TEKT5: variants seen among roughly 807,000 people sequenced by gnomAD.
TEKT5 encodes the protein tektin 5, also known as tektin-5.
TEKT5 carries 52 observed loss-of-function variants against 48.7 expected under a neutral mutation model. The ratio of observed to expected loss-of-function variants is 1.07; its 90% CI spans 0.86 to 1.35. TEKT5 has a LOEUF of 1.35. Among genes scored for constraint, TEKT5 ranks in the 40% most tolerant of loss-of-function variants. The pLI is 0.00. For synonymous variants in TEKT5, 318 were observed against 267.6 expected, an observed-to-expected ratio of 1.19 and a Z score of -1.84; for missense variants, 831 against 641.6, an observed-to-expected ratio of 1.30 and a Z score of -3.19.
intron 3 of TEKT5, among the ~76,000 whole-genome samples, chr16:10,682,825 G>C (rs924077206): frequency 6.6e-6 from 1 of 152,170 alleles, no homozygotes; most frequent in South Asian, 2.1e-4. Flanking sequence ...GGCCAGATTT[G>C]TCCCTCCAGC....
At chr16:10,647,331 GC>G (rs1898085777) in intron 5 of TEKT5, among the ~76,000 whole-genome samples, 1 of 151,928 alleles carries the variant, frequency 6.6e-6, no homozygotes, top group Admixed American at 6.6e-5. Context: ...AATAAGCCGG[GC>G]GTGGTGGTGC....
intron 6 of TEKT5, 51 bp from the exon 7 acceptor site, chr16:10,627,850 G>A (rs1411568885): frequency 1.3e-6 from 2 of 1,545,086 alleles, no homozygotes; most frequent in Non-Finnish European, 1.8e-6. Flanking sequence ...ATTTTTATTT[G>A]TTTATTTTTT....
intron 5 of TEKT5, among the ~76,000 whole-genome samples, chr16:10,657,756 A>AT (rs59166602): frequency 0.034 from 4,595 of 134,912 alleles, 124 homozygotes; most frequent in African/African-American, 0.066. Context: ...CGCCAAGCTA[A>AT]TTTTTTTTTT....
At chr16:10,675,872 C>A (rs1596414968) in intron 5 of TEKT5, 87 bp downstream of exon 5, 2 of 1,379,452 alleles carry the variant, frequency 1.4e-6, no homozygotes, top group South Asian at 2.4e-5. Context: ...AGGGGCAGGG[C>A]CAGCTTGGCC....
At chr16:10,639,705 C>A (rs1297938997) in intron 5 of TEKT5, among the ~76,000 whole-genome samples, 7 of 152,218 alleles carry the variant, frequency 4.6e-5, no homozygotes, top group Admixed American at 3.3e-4. Flanking sequence ...ATCCCATCCT[C>A]CCAATTGAAA....
At chr16:10,653,742 G>T (rs1396549681) in intron 5 of TEKT5, among the ~76,000 whole-genome samples, 1 of 151,994 alleles carries the variant, frequency 6.6e-6, no homozygotes, top group Non-Finnish European at 1.5e-5. Flanking sequence ...GTGAAACCCC[G>T]TCTCTACTAA....
chr16:10,693,443 A>G (rs1294444533), intron 1 of TEKT5, among the ~76,000 whole-genome samples: 3 of 152,180 alleles, frequency 2.0e-5, no homozygotes, highest in Admixed American at 2.0e-4. Context: ...TTGAATGCCT[A>G]CTCTGTGCTT....
At chr16:10,648,673 C>G (rs1021472121) in intron 5 of TEKT5, among the ~76,000 whole-genome samples, 1 of 152,134 alleles carries the variant, frequency 6.6e-6, no homozygotes, top group Non-Finnish European at 1.5e-5. Context: ...AGACAGTTAC[C>G]TCCTTGTCAA....
In TEKT5 at chr16:10,694,485, G is replaced by A. The variant is rs147774715; in HGVS notation, c.389C>T (p.Thr130Met). 57 of 1,613,738 alleles carry A rather than the reference G, an allele frequency of 3.5e-5. No individual in the cohort carries two copies. Among genetic ancestry groups the A allele is most frequent in the African/African-American group, 1.2e-4 (9 of 75,038 alleles). Residue 130 changes from threonine (T) to methionine (M), a missense_variant, in exon 1 of 7, where the codon ACG becomes ATG. Coordinates refer to ENST00000283025, the MANE Select transcript of TEKT5 (RefSeq NM_144674.2). Reference sequence around the variant, plus strand: ...GCAGGTGCCCTCCTGCATCTGGTGCGTCAGCTGGTCCTTGTCCTGCAAGAG... The same window carrying A: ...GCAGGTGCCCTCCTGCATCTGGTGCATCAGCTGGTCCTTGTCCTGCAAGAG... ...MRLLQDKDQL[T>M]HQMQEGTCRN... is the part of the protein sequence containing the mutation.
chr16:10,638,641 T>A (rs577329030), intron 5 of TEKT5, among the ~76,000 whole-genome samples: 8 of 152,216 alleles, frequency 5.3e-5, no homozygotes, highest in Non-Finnish European at 7.3e-5. Flanking sequence ...AGGAACATCT[T>A]CATGGGGTCA....
In TEKT5 at chr16:10,655,009, G is replaced by C. The variant is rs1363670891; in HGVS notation, c.1087-19091C>G. 3.2e-5 allele frequency among the ~76,000 whole-genome samples: 4 copies of C among 126,934 alleles called. No individual in the cohort carries two copies. In the East Asian group the frequency reaches 9.4e-4, roughly 30 times the overall value. The allele number at this position is 126,934 out of a possible 152,430, so 83.3% of individuals were successfully genotyped here. ...ATCATTGATTTTTTTGTTTTTTAAT[G>C]TAAGACAATAGGAAATTCAGATTTG... is the stretch of plus-strand genomic sequence containing the variant. On this transcript the variant is annotated intron_variant, in intron 5 of 6. Coordinates refer to ENST00000283025, the MANE Select transcript of TEKT5 (RefSeq NM_144674.2).
chr16:10,632,838 T>G (rs191860006), intron 6 of TEKT5, among the ~76,000 whole-genome samples: 1 of 148,050 alleles, frequency 6.8e-6, no homozygotes, highest in Non-Finnish European at 1.5e-5. Flanking sequence ...CAGCCATGCA[T>G]ACAAACCAAA....
intron 5 of TEKT5, among the ~76,000 whole-genome samples, chr16:10,642,042 A>T (rs1596402504): frequency 6.6e-6 from 1 of 152,242 alleles, no homozygotes; most frequent in Admixed American, 6.5e-5. Flanking sequence ...GGGCTGAGAC[A>T]TGACAGAGCT....
Position 10,690,507 on chromosome 16 carries a change from C to T in TEKT5, c.565-482G>A, listed in dbSNP as rs1596423119. The T allele has an allele frequency of 3.2e-6, 3 of 924,526 alleles. No individual in the cohort carries two copies. The South Asian group carries it at 1.5e-4, about 46-fold the overall frequency. The allele number at this position is 924,526 out of a possible 1,614,324, so 57.3% of individuals were successfully genotyped here. On this transcript the variant is annotated intron_variant, in intron 1 of 6. Coordinates refer to ENST00000283025, the MANE Select transcript of TEKT5 (RefSeq NM_144674.2). ...TGGTTTCCTCCTCTGCAGATGGGTG[C>T]CATATTGGTGCCTATCTCACAGGTT...
chr16:10,639,087 T>C (rs2142262402), intron 5 of TEKT5, among the ~76,000 whole-genome samples: 1 of 152,280 alleles, frequency 6.6e-6, no homozygotes, highest in Non-Finnish European at 1.5e-5. Flanking sequence ...GTGGAATCAC[T>C]TGAGCCCAGG....
intron 6 of TEKT5, among the ~76,000 whole-genome samples, chr16:10,628,865 C>G (rs1449877897): frequency 7.0e-6 from 1 of 143,814 alleles, no homozygotes; most frequent in African/African-American, 2.6e-5. Context: ...GAGATCACAT[C>G]ATTGCACTCC....
chr16:10,640,050 T>C (rs900507919), intron 5 of TEKT5, among the ~76,000 whole-genome samples: 1 of 149,192 alleles, frequency 6.7e-6, no homozygotes, highest in African/African-American at 2.6e-5. Flanking sequence ...TTTCTCTTCC[T>C]CCTCCTCCTC....
chr16:10,663,823 C>A (rs190550907), intron 5 of TEKT5, among the ~76,000 whole-genome samples: 1 of 152,330 alleles, frequency 6.6e-6, no homozygotes, highest in African/African-American at 2.4e-5. Context: ...CAGTGGGGTG[C>A]AAATTCACCC....
At chr16:10,647,008 A>G (rs2142269742) in intron 5 of TEKT5, among the ~76,000 whole-genome samples, 1 of 152,334 alleles carries the variant, frequency 6.6e-6, no homozygotes, top group South Asian at 2.1e-4. Context: ...ACTTCAGCCC[A>G]GCGCAGAAGA....
Sources: allele counts gnomAD v4.1 joint callset (sites outside exome capture counted in the v4.1 genomes callset), GRCh38; gene constraint gnomAD v4.1.1; transcripts MANE v1.5; gene names NCBI Gene and HGNC (gene_info 2026-07-23, HGNC 2026-07-21).